HDAC3: variants seen among roughly 807,000 people sequenced by gnomAD.
HDAC3 encodes SMAP45.
HDAC3 carries 21 observed loss-of-function variants against 62.3 expected under a neutral mutation model. The observed-to-expected ratio is 0.34, with a 90% CI of 0.24 to 0.49. The LOEUF is 0.49. Among genes scored for constraint, HDAC3 ranks in the 20% least tolerant of loss-of-function variants. HDAC3 has a pLI of 0.99. For missense variants in HDAC3, 270 were observed against 556.9 expected (o/e 0.48, Z 5.19); for synonymous variants, 198 against 206.5 (o/e 0.96, Z 0.35).
rs1420752106 is a variant in HDAC3, at chr5:141,628,899, A to G, written c.611-260T>C. Among the ~76,000 whole-genome samples the G allele has an allele frequency of 6.6e-6, 1 of 152,232 alleles. No homozygotes were observed. Among genetic ancestry groups the G allele is most frequent in the East Asian group, 1.9e-4 (1 of 5,200 alleles). On this transcript the variant is annotated intron_variant, in intron 7 of 14. Coordinates refer to ENST00000305264, the MANE Select transcript of HDAC3 (RefSeq NM_003883.4). This position sits in a 1 kb window ranked among gnomAD's most constrained non-coding sequence, Gnocchi z 4.7. The stretch of plus-strand genomic sequence containing the variant: ...AAATTTACGATATCCCACCACGCTT[A>G]TATTCTTAGGGAATAGCCATGAGGA...
Position 141,628,251 on chromosome 5 carries a change from G to A in HDAC3, c.692-64C>T. On this transcript the variant is annotated intron_variant, in intron 8 of 14. Transcript: ENST00000305264. The surrounding 1 kb of genome is among the most constrained non-coding windows in gnomAD (Gnocchi z 4.7). ...GGGATGGGGAGACAGGGAACAAAAG[G>A]AAAAAGGGGGTTGAGCGAGCATGTA... The A allele has an allele frequency of 7.2e-7, 1 of 1,382,936 alleles. No individual in the cohort carries two copies. The highest frequency in any genetic ancestry group is 1.4e-5 in the African/African-American group (1 of 69,886). The allele number at this position is 1,382,936 out of a possible 1,614,324, so 85.7% of individuals were successfully genotyped here.
chr5:141,634,183 C>T (rs2099905643), intron 3 of HDAC3, among the ~76,000 whole-genome samples: 1 of 152,124 alleles, frequency 6.6e-6, no homozygotes, highest in Non-Finnish European at 1.5e-5. Context: ...CTTAAGATCC[C>T]TTGCTTTTTA....
chr5:141,634,585 T>C (rs771900342), intron 3 of HDAC3, among the ~76,000 whole-genome samples: 2 of 152,144 alleles, frequency 1.3e-5, no homozygotes, highest in Non-Finnish European at 2.9e-5. Flanking sequence ...TTAGCAAAAA[T>C]ACGATATTAA....
At chr5:141,634,611 C>T (rs72792338) in intron 3 of HDAC3, among the ~76,000 whole-genome samples, 200 bp downstream of exon 3, 3,449 of 152,298 alleles carry the variant, frequency 0.023, 54 homozygotes, top group East Asian at 0.047. Flanking sequence ...TGTTTTTGTT[C>T]ATCACTGCAT....
chr5:141,636,349 G>A (rs988727049), intron 2 of HDAC3, 199 bp downstream of exon 2: 6 of 610,186 alleles, frequency 9.8e-6, no homozygotes, highest in African/African-American at 9.2e-5. Context: ...TGGCCGACCT[G>A]AGGTGAGAAA....
rs746579756 is a variant in HDAC3, at chr5:141,625,733, T to C, written c.1011A>G (p.Thr337=). The change falls in exon 13 of 15, where the codon ACA becomes ACG. Residue 337 remains threonine, a synonymous_variant. Transcript: ENST00000305264. This position sits in a 1 kb window ranked among gnomAD's most constrained non-coding sequence, Gnocchi z 4.0. ...EYFEYFAPDF[T]LHPDVSTRIE... ...TGCGGGTGCTGACATCTGGATGAAG[T>C]GTGAAGTCTGGGGCAAAGTACTCGA... The C allele has an allele frequency of 8.1e-6, 13 of 1,614,006 alleles. No homozygotes were observed. Among genetic ancestry groups the C allele is most frequent in the Non-Finnish European group, 1.1e-5 (13 of 1,180,022 alleles).
At chr5:141,633,458 T>C (rs2099905517) in intron 3 of HDAC3, among the ~76,000 whole-genome samples, 1 of 152,198 alleles carries the variant, frequency 6.6e-6, no homozygotes, top group African/African-American at 2.4e-5. Flanking sequence ...AAAATATTTA[T>C]GGATAAAAGG....
rs1045189264 is a variant in HDAC3, at chr5:141,621,199, G to A, written c.*269C>T. 1.2e-5 allele frequency: 5 copies of A among 419,502 alleles called. No individual in the cohort carries two copies. The highest frequency in any genetic ancestry group is 1.0e-4 in the African/African-American group (5 of 48,060). The allele number at this position is 419,502 out of a possible 1,614,324, so 26.0% of individuals were successfully genotyped here. A position where few individuals can be genotyped will look rare whatever the true frequency, so the allele number is the denominator to read the frequency against. ...AAGAAATAAGGGGCAAGGGGGGCTA[G>A]GGACTGGCCTCCAGGGCCCACTGCC... On this transcript the variant is annotated 3_prime_UTR_variant, in exon 15 of 15. Coordinates refer to ENST00000305264, the MANE Select transcript of HDAC3 (RefSeq NM_003883.4).
Position 141,629,116 on chromosome 5 carries a change from G to A in HDAC3, c.610+57C>T. 1.9e-6 allele frequency: 3 copies of A among 1,574,716 alleles called. No homozygotes were observed. Among genetic ancestry groups the A allele is most frequent in the South Asian group, 1.1e-5 (1 of 88,380 alleles). On this transcript the variant is annotated intron_variant, in intron 7 of 14. Coordinates refer to ENST00000305264, the MANE Select transcript of HDAC3 (RefSeq NM_003883.4). The surrounding 1 kb of genome is among the most constrained non-coding windows in gnomAD (Gnocchi z 5.3). ...ATGAGACTAGAAGGCTGAGAAGGAG[G>A]CACTCATAGTAAAGAGCTGAAGGGT... is the stretch of plus-strand genomic sequence containing the variant.
In HDAC3 at chr5:141,628,224, AG is replaced by A. The variant is rs1343446262; in HGVS notation, c.692-38del. ...CCAAAGATGGGCACCTGGCACCCCA[AG>A]GGGATGGGGAGACAGGGAACAAAAG... On this transcript the variant is annotated intron_variant, in intron 8 of 14. Transcript: ENST00000305264. This position sits in a 1 kb window ranked among gnomAD's most constrained non-coding sequence, Gnocchi z 4.7. 1 of 1,564,902 alleles carries A rather than the reference AG, an allele frequency of 6.4e-7. No individual in the cohort carries two copies.
At chr5:141,627,748 G>A (rs1387290666) in intron 10 of HDAC3, 145 bp downstream of exon 10, 1 of 730,996 alleles carries the variant, frequency 1.4e-6, no homozygotes, top group Non-Finnish European at 2.4e-6. Flanking sequence ...CCCTGTTCAA[G>A]ATGACATTTC....
chr5:141,630,247 A>G, intron 3 of HDAC3, 122 bp from the exon 4 acceptor site: 1 of 886,446 alleles, frequency 1.1e-6, no homozygotes, highest in Admixed American at 2.0e-5. Flanking sequence ...CCTCTCCTAC[A>G]CACGTGGGCT....
intron 2 of HDAC3, 71 bp downstream of exon 2, chr5:141,636,477 T>C (rs1596448299): frequency 7.1e-7 from 1 of 1,413,988 alleles, no homozygotes; most frequent in Middle Eastern, 1.8e-4. Context: ...ATGCACTCAG[T>C]CCAGCCCACC....
Position 141,628,277 on chromosome 5 carries a change from G to GCCCA in HDAC3, c.692-94_692-91dup. On this transcript the variant is annotated intron_variant, in intron 8 of 14. Transcript: ENST00000305264. The surrounding 1 kb of genome is among the most constrained non-coding windows in gnomAD (Gnocchi z 4.7). ...AAAAAGGGGGTTGAGCGAGCATGTA[G>GCCCA]CCCAGGAAAGGGGCCACCCAAAAGA... 1 of 1,120,662 alleles carries GCCCA rather than the reference G, an allele frequency of 8.9e-7. No individual in the cohort carries two copies. 69.4% of individuals were successfully genotyped at this position (1,120,662 alleles called of 1,614,324 possible). A position where few individuals can be genotyped will look rare whatever the true frequency, so the allele number is the denominator to read the frequency against.
Position 141,628,312 on chromosome 5 carries a change from C to T in HDAC3, c.692-125G>A. The T allele has an allele frequency of 1.2e-6, 1 of 837,320 alleles. No homozygotes were observed. Among genetic ancestry groups the T allele is most frequent in the Non-Finnish European group, 2.0e-6 (1 of 508,326 alleles). 51.9% of individuals were successfully genotyped at this position (837,320 alleles called of 1,614,324 possible). A position where few individuals can be genotyped will look rare whatever the true frequency, so the allele number is the denominator to read the frequency against. Reference sequence around the variant, plus strand: ...GGGGCCACCCAAAAGAATCAAATCACTGGTCTGAAACTTCTGGAAGGGATC... The same window carrying T: ...GGGGCCACCCAAAAGAATCAAATCATTGGTCTGAAACTTCTGGAAGGGATC... On this transcript the variant is annotated intron_variant, in intron 8 of 14. Transcript: ENST00000305264. The surrounding 1 kb of genome is among the most constrained non-coding windows in gnomAD (Gnocchi z 4.7).
rs370506268 is a variant in HDAC3 at position 141,636,523 on chromosome 5, C to T, written c.138+25G>A. On this transcript the variant is annotated intron_variant, in intron 2 of 14. Coordinates refer to ENST00000305264, the MANE Select transcript of HDAC3 (RefSeq NM_003883.4). ...GCCACAGCTCGCCCCACCCCCCAACCCCCGGCCGAGGCGGCGGAACTCACG... is the reference window on the plus strand; with the variant it reads ...GCCACAGCTCGCCCCACCCCCCAACTCCCGGCCGAGGCGGCGGAACTCACG... The T allele has an allele frequency of 9.3e-6, 15 of 1,611,180 alleles. No homozygotes were observed. In the African/African-American group the frequency reaches 1.7e-4, roughly 19 times the overall value.
rs1273673441 is a variant in HDAC3, at chr5:141,629,671, C to T, written c.476+13G>A. Reference sequence around the variant, plus strand: ...ATCCCGTAACTGCCCCCATCTCCTCCTGGGCTACTTACTTGAGCAGCTCCA... The same window carrying T: ...ATCCCGTAACTGCCCCCATCTCCTCTTGGGCTACTTACTTGAGCAGCTCCA... On this transcript the variant is annotated intron_variant, in intron 6 of 14. Transcript: ENST00000305264. The surrounding 1 kb of genome is among the most constrained non-coding windows in gnomAD (Gnocchi z 5.3). 1 of 1,613,610 alleles carries T rather than the reference C, an allele frequency of 6.2e-7. No homozygotes were observed. The highest frequency in any genetic ancestry group is 1.7e-5 in the Admixed American group (1 of 60,024).
rs1431547495 is a variant in HDAC3 at position 141,625,935 on chromosome 5, G to A, written c.979+78C>T. 4 of 1,409,634 alleles carry A rather than the reference G, an allele frequency of 2.8e-6. No individual in the cohort carries two copies. Among genetic ancestry groups the A allele is most frequent in the East Asian group, 4.6e-5 (2 of 43,940 alleles). 87.3% of individuals were successfully genotyped at this position (1,409,634 alleles called of 1,614,324 possible). A position where few individuals can be genotyped will look rare whatever the true frequency, so the allele number is the denominator to read the frequency against. ...GCTCTGAGAGTGTAAAATTTCCCAT[G>A]TGCCTTCAAACCAGGTCATTCTGGA... On this transcript the variant is annotated intron_variant, in intron 12 of 14. Transcript: ENST00000305264. This position sits in a 1 kb window ranked among gnomAD's most constrained non-coding sequence, Gnocchi z 4.0.
chr5:141,630,198 T>C, intron 3 of HDAC3, 73 bp from the exon 4 acceptor site: 1 of 1,362,718 alleles, frequency 7.3e-7, no homozygotes, highest in South Asian at 1.2e-5. Context: ...CTCCCCATCC[T>C]AGATTCCTCC....
Sources: allele counts gnomAD v4.1 joint callset (sites outside exome capture counted in the v4.1 genomes callset), GRCh38; gene constraint gnomAD v4.1.1; non-coding constraint Gnocchi (gnomAD v3.1); transcripts MANE v1.5; gene names NCBI Gene and HGNC (gene_info 2026-07-23, HGNC 2026-07-21).